PLCB1: variants seen among roughly 807,000 people sequenced by gnomAD.
PLCB1 encodes the protein phospholipase C beta 1, also known as 1-phosphatidylinositol 4,5-bisphosphate phosphodiesterase beta-1.
PLCB1 carries 46 observed loss-of-function variants against 161.8 expected under a neutral mutation model. The ratio of observed to expected loss-of-function variants is 0.28; its 90% CI spans 0.22 to 0.36. The LOEUF is 0.36. Among genes scored for constraint, PLCB1 ranks in the 10% least tolerant of loss-of-function variants. The pLI is 1.00. For missense variants in PLCB1, 1,016 were observed against 1,472.5 expected, an observed-to-expected ratio of 0.69 and a Z score of 5.07; for synonymous variants, 517 against 503.7, an observed-to-expected ratio of 1.03 and a Z score of -0.35.
intron 31 of PLCB1, among the ~76,000 whole-genome samples, chr20:8,796,497 A>G (rs543864262): frequency 3.3e-5 from 5 of 152,270 alleles, no homozygotes; most frequent in Non-Finnish European, 4.4e-5. Flanking sequence ...CCTTGCCAGC[A>G]CTTATTGGAT....
chr20:8,775,967 C>T (rs1600317581), intron 27 of PLCB1, among the ~76,000 whole-genome samples: 2 of 152,062 alleles, frequency 1.3e-5, no homozygotes, highest in Non-Finnish European at 2.9e-5. Context: ...AATGGCTGGG[C>T]AGGGGTTGGA....
rs771651695 is a variant in PLCB1, at chr20:8,628,344, G to A, written c.297G>A (p.Glu99=). The part of the protein sequence containing the change: ...LLDVGNIGRL[E]QRMITVVYGP... ...ATGTGGGGAACATCGGGCGCCTGGA[G>A]CAGCGCATGATCACAGTGGTGTATG... Residue 99 remains glutamate (E), a synonymous_variant, in exon 4 of 32, where the codon GAG becomes GAA. Transcript: ENST00000338037. 6.2e-7 allele frequency: 1 copy of A among 1,613,672 alleles called. No homozygotes were observed. Among genetic ancestry groups the A allele is most frequent in the Non-Finnish European group, 8.5e-7 (1 of 1,179,592 alleles).
intron 9 of PLCB1, among the ~76,000 whole-genome samples, chr20:8,680,747 T>C (rs1361182528): frequency 3.3e-5 from 5 of 152,092 alleles, no homozygotes; most frequent in Non-Finnish European, 1.5e-5. Context: ...TTCTTTAATA[T>C]AATTATAAAT....
At chr20:8,394,477 C>G (rs980717716) in intron 3 of PLCB1, among the ~76,000 whole-genome samples, 2 of 152,118 alleles carry the variant, frequency 1.3e-5, no homozygotes, top group Non-Finnish European at 2.9e-5. Flanking sequence ...GGCTTTGCTT[C>G]TGTATCCTCA....
rs530022277 is a variant in PLCB1, at chr20:8,144,364, C to G, written c.100-5930C>G. Among the ~76,000 whole-genome samples, 3 of 152,280 alleles carry G rather than the reference C, an allele frequency of 2.0e-5. No homozygotes were observed. In the South Asian group the frequency reaches 6.2e-4, roughly 32 times the overall value. On this transcript the variant is annotated intron_variant, in intron 1 of 31. Transcript: ENST00000338037. Reference sequence around the variant, plus strand: ...ATTATCTGAAGGATCTTGCACGACACTTGAAGAACAATTCTTCCAACATTT... The same window carrying G: ...ATTATCTGAAGGATCTTGCACGACAGTTGAAGAACAATTCTTCCAACATTT...
chr20:8,344,672 A>G (rs2122233680), intron 2 of PLCB1, among the ~76,000 whole-genome samples: 1 of 152,324 alleles, frequency 6.6e-6, no homozygotes, highest in African/African-American at 2.4e-5. Flanking sequence ...TCACCCCAAC[A>G]GGATTAAGCC....
At chr20:8,136,812 T>A (rs2051354745) in intron 1 of PLCB1, among the ~76,000 whole-genome samples, 1 of 152,190 alleles carries the variant, frequency 6.6e-6, no homozygotes, top group East Asian at 1.9e-4. Context: ...TTTCTCACCT[T>A]CTTTTAAAAA....
At chr20:8,495,255 G>A (rs1410368489) in intron 3 of PLCB1, among the ~76,000 whole-genome samples, 1 of 152,074 alleles carries the variant, frequency 6.6e-6, no homozygotes, top group Non-Finnish European at 1.5e-5. Flanking sequence ...ACTTAAGGAA[G>A]CAAAGTCTTA....
chr20:8,269,372 A>G lies in PLCB1; in HGVS notation c.178-102010A>G, dbSNP rs576594235. On this transcript the variant is annotated intron_variant, in intron 2 of 31. Coordinates refer to ENST00000338037, the MANE Select transcript of PLCB1 (RefSeq NM_015192.4). ...TTCTTGTGTTAGTTTGCTCAACTTG[A>G]TTCTCTGTATTCTCATATGCAAAAT... Among the ~76,000 whole-genome samples, 239 of 152,222 alleles carry G rather than the reference A, an allele frequency of 1.6e-3. 1 individual carries two copies. Among genetic ancestry groups the G allele is most frequent in the South Asian group, 3.3e-3 (16 of 4,822 alleles).
intron 2 of PLCB1, among the ~76,000 whole-genome samples, chr20:8,226,923 A>C (rs1056561937): frequency 6.6e-6 from 1 of 152,076 alleles, no homozygotes; most frequent in Non-Finnish European, 1.5e-5. Context: ...TCCTGACCTC[A>C]TGATCCACCC....
At chr20:8,608,003 T>TAC (rs955042052) in intron 3 of PLCB1, among the ~76,000 whole-genome samples, 56 of 152,130 alleles carry the variant, frequency 3.7e-4, no homozygotes, top group African/African-American at 1.3e-3. Context: ...CATATATATA[T>TAC]ACAATTTTTA....
intron 3 of PLCB1, among the ~76,000 whole-genome samples, chr20:8,488,574 G>T (rs1982823097): frequency 6.6e-6 from 1 of 151,942 alleles, no homozygotes; most frequent in African/African-American, 2.4e-5. Context: ...GACCTGAAGT[G>T]CTTAGAATAA....
chr20:8,791,132 G>T (rs944594695), intron 31 of PLCB1, among the ~76,000 whole-genome samples: 2 of 151,796 alleles, frequency 1.3e-5, no homozygotes, highest in Non-Finnish European at 2.9e-5. Flanking sequence ...TATTTTCATG[G>T]TTCTTTGTGC....
intron 23 of PLCB1, among the ~76,000 whole-genome samples, chr20:8,742,348 GA>G (rs1354276133): frequency 1.3e-5 from 2 of 152,030 alleles, no homozygotes; most frequent in South Asian, 4.1e-4. Context: ...AGTATTGGGG[GA>G]AAAAACCTTG....
chr20:8,509,729 CATAGATAGATAG>C (rs11468649), intron 3 of PLCB1, among the ~76,000 whole-genome samples: 28,888 of 147,758 alleles, frequency 0.2, 2,933 homozygotes, highest in East Asian at 0.24. Context: ...ATAGGCAGAT[CATAGATAGATAG>C]ATAGATAGAT....
At position 8,818,795 on chromosome 20, in the gene PLCB1, G is replaced by C. The variant is rs58131650; in HGVS notation, c.3423+28534G>C. On this transcript the variant is annotated intron_variant, in intron 31 of 31. Coordinates refer to ENST00000338037, the MANE Select transcript of PLCB1 (RefSeq NM_015192.4). ...GTCTCTACTAAAAATACAAAAATTA[G>C]CTGGGTGTGGTGGCATGTGCTTGTA... Among the ~76,000 whole-genome samples the C allele has an allele frequency of 1.2e-4, 18 of 152,124 alleles. No homozygotes were observed. In the South Asian group the frequency reaches 3.7e-3, roughly 32 times the overall value.
At chr20:8,456,865 C>T (rs916429664) in intron 3 of PLCB1, among the ~76,000 whole-genome samples, 1 of 152,120 alleles carries the variant, frequency 6.6e-6, no homozygotes, top group Non-Finnish European at 1.5e-5. Context: ...TTTATAAGGG[C>T]ACTAATGCCA....
chr20:8,550,978 C>T (rs1985755307), intron 3 of PLCB1, among the ~76,000 whole-genome samples: 1 of 152,162 alleles, frequency 6.6e-6, no homozygotes, highest in Admixed American at 6.5e-5. Flanking sequence ...ACAGGAATGA[C>T]AGGCATTAAG....
At chr20:8,444,851 T>C (rs1980744774) in intron 3 of PLCB1, among the ~76,000 whole-genome samples, 1 of 152,192 alleles carries the variant, frequency 6.6e-6, no homozygotes, top group Admixed American at 6.5e-5. Flanking sequence ...TGTCTTCTTT[T>C]GAGAAGTGTC....
Sources: gnomAD v4.1 joint callset for allele counts (sites outside exome capture counted in the v4.1 genomes callset) on GRCh38, gnomAD v4.1.1 for gene constraint, MANE v1.5 for transcripts, NCBI Gene and HGNC (gene_info 2026-07-23, HGNC 2026-07-21) for gene names.